Variants in ADGRG6 observed in about 807,000 individuals in gnomAD.
The protein encoded by ADGRG6 is G-protein coupled receptor 126.
In ADGRG6, 84 loss-of-function variants were observed where a neutral mutation model predicts 142.4. That is an observed-to-expected ratio of 0.59 (90% confidence interval 0.49 to 0.71). The LOEUF is 0.71. Ranked by LOEUF, ADGRG6 falls within the 30% of genes least tolerant of loss-of-function variation. The pLI is 0.00. For missense variants in ADGRG6, 1,367 were observed against 1,466.6 expected (o/e 0.93, Z 1.11); for synonymous variants, 521 against 520.5 (o/e 1.00, Z -0.01).
chr6:142,316,261 G>T (rs1778062354), intron 2 of ADGRG6, among the ~76,000 whole-genome samples: 1 of 152,086 alleles, frequency 6.6e-6, no homozygotes, highest in South Asian at 2.1e-4. Flanking sequence ...TCTCCTCCAA[G>T]TTTGGTGCTG....
chr6:142,302,784 T>C lies in ADGRG6; in HGVS notation c.2+453T>C, dbSNP rs1479093221. On this transcript the variant is annotated intron_variant, in intron 1 of 24. Transcript: ENST00000367609. ...ATGTTGACTTTACACATTGTCACCA[T>C]TGACTGTAGAAGTTATTCTTGGATC... The C allele has an allele frequency of 2.9e-5, 5 of 171,028 alleles. No homozygotes were observed. In the East Asian group the frequency reaches 8.2e-4, roughly 28 times the overall value. 10.6% of individuals were successfully genotyped at this position (171,028 alleles called of 1,614,324 possible). A position where few individuals can be genotyped will look rare whatever the true frequency, so the allele number is the denominator to read the frequency against.
At chr6:142,334,645 G>T (rs922914617) in intron 2 of ADGRG6, among the ~76,000 whole-genome samples, 1 of 152,188 alleles carries the variant, frequency 6.6e-6, no homozygotes, top group African/African-American at 2.4e-5. Flanking sequence ...TAGAAGATTG[G>T]CAGGGTTGCA....
chr6:142,421,600 A>G (rs1776656054), intron 22 of ADGRG6, among the ~76,000 whole-genome samples: 1 of 152,206 alleles, frequency 6.6e-6, no homozygotes, highest in Non-Finnish European at 1.5e-5. Context: ...TATAAAAGGC[A>G]CATTGATCTG....
Position 142,346,940 on chromosome 6 carries a change from G to A in ADGRG6, c.104-20629G>A, listed in dbSNP as rs879541336. 1.4e-4 allele frequency among the ~76,000 whole-genome samples: 21 copies of A among 152,026 alleles called. 1 individual carries two copies. The highest frequency in any genetic ancestry group is 2.6e-4 in the Non-Finnish European group (18 of 67,974). ...ACCTAATGTAGATGATGGGTTGATG[G>A]GTGCGGCAAACAACCATGGCACATA... On this transcript the variant is annotated intron_variant, in intron 2 of 24. Transcript: ENST00000367609.
In ADGRG6 at chr6:142,423,024, C is replaced by T. The variant is rs13437536; in HGVS notation, c.3319+2920C>T. The stretch of plus-strand genomic sequence containing the variant: ...TTTTGATGGGGTTGTTTGTTTTTTT[C>T]TTGTAAATGTGTTTGAGTTCATTGT... On this transcript the variant is annotated intron_variant, in intron 22 of 24. Coordinates refer to ENST00000367609, the MANE Select transcript of ADGRG6 (RefSeq NM_198569.3). 4.9e-3 allele frequency among the ~76,000 whole-genome samples: 739 copies of T among 151,862 alleles called. 9 individuals are homozygous for T. The highest frequency in any genetic ancestry group is 0.017 in the African/African-American group (701 of 41,346).
At chr6:142,401,868 T>A in intron 11 of ADGRG6, 126 bp from the exon 12 acceptor site, 1 of 557,160 alleles carries the variant, frequency 1.8e-6, no homozygotes, top group Non-Finnish European at 3.2e-6. Context: ...AAGCTCAGTA[T>A]CTTAAAGGGA....
At chr6:142,358,423 C>T (rs1780558169) in intron 2 of ADGRG6, among the ~76,000 whole-genome samples, 1 of 152,164 alleles carries the variant, frequency 6.6e-6, no homozygotes, top group Non-Finnish European at 1.5e-5. Flanking sequence ...GAATTCAGTC[C>T]TTGTAGAATA....
At chr6:142,437,893 TAA>T (rs34175866) in intron 23 of ADGRG6, among the ~76,000 whole-genome samples, 3 of 140,526 alleles carry the variant, frequency 2.1e-5, no homozygotes, top group Non-Finnish European at 3.1e-5. Flanking sequence ...TTCTCAGTAT[TAA>T]AAAAAAAAAA....
intron 21 of ADGRG6, among the ~76,000 whole-genome samples, chr6:142,419,523 A>G (rs1776549923): frequency 6.6e-6 from 1 of 152,202 alleles, no homozygotes; most frequent in Non-Finnish European, 1.5e-5. Flanking sequence ...GAGGTTAGAC[A>G]TGGCTTGGAA....
At chr6:142,423,378 A>C (rs1192161359) in intron 22 of ADGRG6, among the ~76,000 whole-genome samples, 47 of 152,112 alleles carry the variant, frequency 3.1e-4, no homozygotes, top group African/African-American at 1.1e-3. Flanking sequence ...TCAGCTTTCT[A>C]CATATGGCTA....
chr6:142,402,714 CA>C lies in ADGRG6; in HGVS notation c.1843del (p.Arg615GlufsTer3). 1 of 1,603,674 alleles carries C rather than the reference CA, an allele frequency of 6.2e-7. No homozygotes were observed. The highest frequency in any genetic ancestry group is 1.7e-5 in the Admixed American group (1 of 59,870). ...ATATTACCAACATTGTGGAACAGGT[CA>C]AAAGAATTGTGAATAAAGAAGAAAA... ...ANITNIVEQV[K>X]RIVNKEENID... On this transcript the variant is annotated frameshift_variant, in exon 13 of 25. Coordinates refer to ENST00000367609, the MANE Select transcript of ADGRG6 (RefSeq NM_198569.3). LOFTEE classifies it high-confidence loss of function.
At chr6:142,324,289 G>A (rs1440551271) in intron 2 of ADGRG6, among the ~76,000 whole-genome samples, 13 of 151,950 alleles carry the variant, frequency 8.6e-5, no homozygotes, top group Non-Finnish European at 1.5e-5. Context: ...AAGCTCTTAG[G>A]AGAGCTTTCA....
At chr6:142,318,353 A>G in intron 2 of ADGRG6, among the ~76,000 whole-genome samples, 1 of 95,090 alleles carries the variant, frequency 1.1e-5, no homozygotes, top group South Asian at 2.5e-4. Context: ...ATATTTATAT[A>G]TTATATAATA....
At chr6:142,363,412 G>C (rs12110643) in intron 2 of ADGRG6, among the ~76,000 whole-genome samples, 1 of 151,980 alleles carries the variant, frequency 6.6e-6, no homozygotes, top group Non-Finnish European at 1.5e-5. Flanking sequence ...AGGCTTTGGC[G>C]TGACTGGAAG....
chr6:142,351,712 T>TA (rs1780183229), intron 2 of ADGRG6, among the ~76,000 whole-genome samples: 1 of 152,180 alleles, frequency 6.6e-6, no homozygotes, highest in South Asian at 2.1e-4. Flanking sequence ...GGGACCTGAT[T>TA]AATAAGCTTC....
rs368109232 is a variant in ADGRG6 at position 142,383,348 on chromosome 6, G to A, written c.1139-412G>A. Reference sequence around the variant, plus strand: ...AGTCTCAGTGTATTAGGCAAACTTAGTTTAGATAACTTTCAAGCTGCAGAT... The same window carrying A: ...AGTCTCAGTGTATTAGGCAAACTTAATTTAGATAACTTTCAAGCTGCAGAT... On this transcript the variant is annotated intron_variant, in intron 5 of 24. Coordinates refer to ENST00000367609, the MANE Select transcript of ADGRG6 (RefSeq NM_198569.3). 2.0e-5 allele frequency among the ~76,000 whole-genome samples: 3 copies of A among 152,218 alleles called. No homozygotes were observed. The South Asian group carries it at 6.2e-4, about 32-fold the overall frequency.
intron 6 of ADGRG6, among the ~76,000 whole-genome samples, chr6:142,386,171 A>G (rs1445062334): frequency 1.3e-5 from 2 of 152,096 alleles, no homozygotes; most frequent in East Asian, 3.8e-4. Flanking sequence ...GTGTGAAGTT[A>G]TTTTTGTTGT....
chr6:142,334,079 C>T (rs1193783591), intron 2 of ADGRG6, among the ~76,000 whole-genome samples: 1 of 152,162 alleles, frequency 6.6e-6, no homozygotes, highest in African/African-American at 2.4e-5. Context: ...ATGGATATGG[C>T]ATCTGTTTTA....
chr6:142,432,557 T>C (rs1441953351), intron 22 of ADGRG6, among the ~76,000 whole-genome samples: 2 of 152,166 alleles, frequency 1.3e-5, no homozygotes, highest in Non-Finnish European at 2.9e-5. Context: ...TTTAAATGAC[T>C]TCTCCTCTCC....
Sources: gnomAD v4.1 joint callset for allele counts (sites outside exome capture counted in the v4.1 genomes callset) on GRCh38, gnomAD v4.1.1 for gene constraint, MANE v1.5 for transcripts, NCBI Gene and HGNC (gene_info 2026-07-23, HGNC 2026-07-21) for gene names.